The following ABHD12 variants were observed in gnomAD, a reference collection of about 807,000 sequenced individuals.
ABHD12 encodes the protein abhydrolase domain containing 12, lysophospholipase.
ABHD12 carries 43 observed loss-of-function variants against 58.3 expected under a neutral mutation model. The ratio of observed to expected loss-of-function variants is 0.74; its 90% CI spans 0.58 to 0.95. The LOEUF (loss-of-function observed/expected upper bound fraction) is 0.95, where lower values mean the gene tolerates loss of function less well. Ranked by LOEUF, ABHD12 falls within the 40% of genes least tolerant of loss-of-function variation. The probability of loss-of-function intolerance (pLI) is 0.00; values close to 1 mark genes in which losing one functional copy is unlikely to be tolerated. For missense variants in ABHD12, 539 were observed against 537.2 expected (o/e 1.00, Z -0.03); for synonymous variants, 219 against 211.2 (o/e 1.04, Z -0.32).
In ABHD12 at chr20:25,376,995, C is replaced by T. The variant is rs1014016442; in HGVS notation, c.191+13518G>A. ...GAGAGAGAGAGGGCCCCTCAGAGGC[C>T]GCCCTTCACCACAGCTATGACATCT... is the stretch of plus-strand genomic sequence containing the variant. On this transcript the variant is annotated intron_variant, in intron 1 of 12. Coordinates refer to ENST00000339157, the MANE Select transcript of ABHD12 (RefSeq NM_001042472.3). 2.6e-5 allele frequency among the ~76,000 whole-genome samples: 4 copies of T among 152,202 alleles called. No individual in the cohort carries two copies. In the East Asian group the frequency reaches 5.8e-4, roughly 22 times the overall value.
intron 1 of ABHD12, among the ~76,000 whole-genome samples, chr20:25,342,586 G>A (rs190560373): frequency 1.1e-4 from 17 of 151,794 alleles, no homozygotes; most frequent in Non-Finnish European, 2.1e-4. Flanking sequence ...TTTTTTACCG[G>A]TAAAGTTTTT....
chr20:25,297,270 G>C (rs1600751648), downstream of ABHD12: 1 of 152,264 alleles, frequency 6.6e-6, no homozygotes, highest in South Asian at 2.1e-4. Context: ...GCTTAGCTTG[G>C]TTTTGCTTAT....
chr20:25,381,430 T>C (rs953447658), intron 1 of ABHD12, among the ~76,000 whole-genome samples: 3 of 152,160 alleles, frequency 2.0e-5, no homozygotes, highest in Non-Finnish European at 4.4e-5. Context: ...AACTGTTAAA[T>C]GAGTGGCTGG....
In ABHD12 at chr20:25,306,919, G is replaced by T. The variant is rs199927118; in HGVS notation, c.868-4C>A. Reference sequence around the variant, plus strand: ...ACCCAGGGAAGTATCGATATATCTGGAGACAAGATGGAAACCATTTTCAGA... The same window carrying T: ...ACCCAGGGAAGTATCGATATATCTGTAGACAAGATGGAAACCATTTTCAGA... On this transcript the variant is annotated splice_region_variant and splice_polypyrimidine_tract_variant and intron_variant, in intron 9 of 12. Coordinates refer to ENST00000339157, the MANE Select transcript of ABHD12 (RefSeq NM_001042472.3). 2.9e-5 allele frequency: 47 copies of T among 1,603,708 alleles called. No homozygotes were observed. In the East Asian group the frequency reaches 1.0e-3, roughly 35 times the overall value.
At chr20:25,295,780 A>AG, downstream of ABHD12, 1 of 1,267,690 alleles carries the variant, frequency 7.9e-7, no homozygotes, top group East Asian at 2.4e-5. Flanking sequence ...CCTGGGCCAG[A>AG]GGGGTTTGTG....
intron 2 of ABHD12, among the ~76,000 whole-genome samples, chr20:25,334,303 G>C (rs1035177698): frequency 9.3e-5 from 14 of 151,232 alleles, no homozygotes; most frequent in Non-Finnish European, 1.9e-4. Context: ...GGAAATAAAA[G>C]AGGATACAAA....
intron 6 of ABHD12, among the ~76,000 whole-genome samples, chr20:25,312,331 G>A (rs924083155): frequency 6.6e-6 from 1 of 152,126 alleles, no homozygotes; most frequent in African/African-American, 2.4e-5. Flanking sequence ...GCAGCGCGCT[G>A]CCATGCCTGA....
Position 25,339,284 on chromosome 20 carries a change from G to T in ABHD12, c.259C>A (p.Pro87Thr), listed in dbSNP as rs770609209. 2.7e-5 allele frequency: 43 copies of T among 1,613,996 alleles called. No homozygotes were observed. The highest frequency in any genetic ancestry group is 3.2e-5 in the Non-Finnish European group (38 of 1,180,018). ...CCAGGACATAGTTTGATGAGAAATG[G>T]AATGGCAATGTACAACCCCAAAACA... ...FCVLGLYIAIPFLIKLCPGIQ... is the reference protein window; with the variant it reads ...FCVLGLYIAITFLIKLCPGIQ... The change falls in exon 2 of 13, where the codon CCA (proline) becomes ACA (threonine). Residue 87 changes from proline (P) to threonine (T), a missense_variant. Transcript: ENST00000339157.
chr20:25,303,633 AGGAG>A lies in ABHD12; in HGVS notation c.951-9_951-6del, dbSNP rs772862920. The stretch of plus-strand genomic sequence containing the variant: ...GGACAGGAGATGTGCTTCACGCTGT[AGGAG>A]GGAGAAGGGGCTAGACCAAGACCAG... On this transcript the variant is annotated splice_polypyrimidine_tract_variant and splice_region_variant and intron_variant, in intron 10 of 12. Coordinates refer to ENST00000339157, the MANE Select transcript of ABHD12 (RefSeq NM_001042472.3). The A allele has an allele frequency of 5.0e-6, 8 of 1,613,500 alleles. No individual in the cohort carries two copies. The East Asian group carries it at 1.3e-4, about 27-fold the overall frequency.
chr20:25,369,550 G>A (rs1247805444), intron 1 of ABHD12, among the ~76,000 whole-genome samples: 2 of 152,114 alleles, frequency 1.3e-5, no homozygotes, highest in South Asian at 4.1e-4. Flanking sequence ...AGGGCACGAA[G>A]GATCACGTAC....
chr20:25,320,657 T>C (rs148769424), intron 3 of ABHD12, among the ~76,000 whole-genome samples: 5 of 152,330 alleles, frequency 3.3e-5, no homozygotes, highest in African/African-American at 4.8e-5. Context: ...TCTTGAGTAA[T>C]AGCATTTTCC....
At chr20:25,312,759 G>A (rs1331880375) in intron 6 of ABHD12, among the ~76,000 whole-genome samples, 3 of 149,358 alleles carry the variant, frequency 2.0e-5, no homozygotes, top group African/African-American at 7.5e-5. Context: ...GCCGCCCATC[G>A]TCTGAGATGT....
At chr20:25,296,222 A>G (rs1431157855), downstream of ABHD12, 1 of 987,138 alleles carries the variant, frequency 1.0e-6, no homozygotes, top group African/African-American at 1.6e-5. Flanking sequence ...TTTTCAACGA[A>G]CAAGTGATTG....
chr20:25,386,070 C>G (rs1055949898), intron 1 of ABHD12, among the ~76,000 whole-genome samples: 1 of 151,618 alleles, frequency 6.6e-6, no homozygotes, highest in Non-Finnish European at 1.5e-5. Context: ...CACTGCACTC[C>G]AGCCTGGGTG....
rs576215687 is a variant in ABHD12 at position 25,360,227 on chromosome 20, CTTTTTTTTTTT to C, written c.192-20887_192-20877del. 4.5e-3 allele frequency among the ~76,000 whole-genome samples: 169 copies of C among 37,400 alleles called. 1 individual carries two copies. Among genetic ancestry groups the C allele is most frequent in the Middle Eastern group, 0.038 (1 of 26 alleles). 24.5% of individuals were successfully genotyped at this position (37,400 alleles called of 152,430 possible). On this transcript the variant is annotated intron_variant, in intron 1 of 12. Transcript: ENST00000339157. ...TTAAATTGCCACCTTGAACACGTTA[CTTTTTTTTTTT>C]TTTTTTTTTTTTTTTTTTTTGAGAT...
At chr20:25,318,117 G>A (rs574170375) in intron 4 of ABHD12, among the ~76,000 whole-genome samples, 2 of 152,306 alleles carry the variant, frequency 1.3e-5, no homozygotes, top group African/African-American at 4.8e-5. Context: ...AGGAGTTTGA[G>A]ACCAGCCTGG....
intron 1 of ABHD12, among the ~76,000 whole-genome samples, chr20:25,375,833 C>T (rs768230296): frequency 2.0e-4 from 30 of 152,090 alleles, no homozygotes; most frequent in Non-Finnish European, 3.8e-4. Context: ...TAAAATATGT[C>T]TATAATTAGC....
chr20:25,310,876 G>A (rs892275203), intron 6 of ABHD12, among the ~76,000 whole-genome samples: 13 of 152,208 alleles, frequency 8.5e-5, no homozygotes, highest in African/African-American at 2.7e-4. Flanking sequence ...TAGACTCCAC[G>A]AGAACTGAAA....
chr20:25,341,794 C>T (rs993499944), intron 1 of ABHD12, among the ~76,000 whole-genome samples: 1 of 152,030 alleles, frequency 6.6e-6, no homozygotes, highest in African/African-American at 2.4e-5. Flanking sequence ...CAGAAAGACT[C>T]AGGACGTTAT....
Sources: allele counts gnomAD v4.1 joint callset (sites outside exome capture counted in the v4.1 genomes callset), GRCh38; gene constraint gnomAD v4.1.1; transcripts MANE v1.5; gene names NCBI Gene and HGNC (gene_info 2026-07-23, HGNC 2026-07-21).